Variants in PTPRQ observed in about 807,000 individuals in gnomAD.
The protein encoded by PTPRQ is phosphatidylinositol phosphatase PTPRQ.
Under a neutral mutation model 246.0 loss-of-function variants are expected in PTPRQ, and 199 were observed. The observed-to-expected ratio is 0.81, with a 90% CI of 0.72 to 0.91. The LOEUF (loss-of-function observed/expected upper bound fraction) is 0.91. PTPRQ is among the 40% of genes least tolerant of loss of function. The probability of loss-of-function intolerance (pLI) is 0.00; values close to 1 mark genes in which losing one functional copy is unlikely to be tolerated. For missense variants in PTPRQ, 2,624 were observed against 2,528.4 expected, an observed-to-expected ratio of 1.04 and a Z score of -0.81; for synonymous variants, 869 against 853.2, an observed-to-expected ratio of 1.02 and a Z score of -0.32.
chr12:80,500,513 G>T (rs1345776891), intron 14 of PTPRQ, among the ~76,000 whole-genome samples: 3 of 151,946 alleles, frequency 2.0e-5, no homozygotes, highest in Non-Finnish European at 4.4e-5. Context: ...ACTGCAGAGA[G>T]AAAACTTCAA....
intron 25 of PTPRQ, among the ~76,000 whole-genome samples, chr12:80,576,687 A>G (rs954735183): frequency 2.9e-4 from 44 of 151,816 alleles, no homozygotes; most frequent in African/African-American, 9.7e-4. Flanking sequence ...CTGTACATTA[A>G]CTATTGATAT....
At chr12:80,593,452 T>C (rs1331812437) in intron 26 of PTPRQ, among the ~76,000 whole-genome samples, 1 of 152,176 alleles carries the variant, frequency 6.6e-6, no homozygotes, top group Non-Finnish European at 1.5e-5. Context: ...CCTGTGAATC[T>C]GAGTGTACAC....
chr12:80,649,402 A>G (rs895926566), intron 36 of PTPRQ, among the ~76,000 whole-genome samples, 186 bp from the exon 37 acceptor site: 3 of 152,196 alleles, frequency 2.0e-5, no homozygotes, highest in Non-Finnish European at 4.4e-5. Flanking sequence ...GAATACAAAG[A>G]AAGTGAGCTT....
At chr12:80,637,520 G>T (rs746985399) in intron 35 of PTPRQ, among the ~76,000 whole-genome samples, 2 of 152,044 alleles carry the variant, frequency 1.3e-5, no homozygotes, top group Non-Finnish European at 2.9e-5. Context: ...TCACTTGTTT[G>T]TTGTGATTCT....
chr12:80,542,675 T>C (rs1425388989), intron 22 of PTPRQ, 55 bp from the exon 23 acceptor site: 14 of 1,501,078 alleles, frequency 9.3e-6, no homozygotes, highest in South Asian at 1.4e-5. Flanking sequence ...GTCACGGTGC[T>C]ATTTTTATGT....
chr12:80,631,348 G>C (rs529907994), intron 33 of PTPRQ, among the ~76,000 whole-genome samples: 1 of 151,750 alleles, frequency 6.6e-6, no homozygotes, highest in Admixed American at 6.6e-5. Context: ...TGTGGCCTCC[G>C]AATTGAAGAT....
At chr12:80,633,473 A>G (rs1333959367) in intron 34 of PTPRQ, among the ~76,000 whole-genome samples, 1 of 152,202 alleles carries the variant, frequency 6.6e-6, no homozygotes, top group South Asian at 2.1e-4. Context: ...TCTGACCTCA[A>G]AATCTAGCTT....
intron 3 of PTPRQ, among the ~76,000 whole-genome samples, chr12:80,449,149 G>GT (rs1051473488): frequency 2.6e-5 from 4 of 151,174 alleles, no homozygotes; most frequent in African/African-American, 9.7e-5. Flanking sequence ...TTTTTCATGT[G>GT]TTTTTTGGCT....
chr12:80,542,032 C>G, intron 21 of PTPRQ, 57 bp from the exon 22 acceptor site: 1 of 1,509,276 alleles, frequency 6.6e-7, no homozygotes, highest in South Asian at 1.3e-5. Flanking sequence ...ATTGAATCCT[C>G]TTTTTTTAAT....
chr12:80,632,257 A>G lies in PTPRQ; in HGVS notation c.5752A>G (p.Ile1918Val). ...LSVTLCILSI[I>V]LLGTAIFAFA... is the part of the protein sequence containing the mutation. Reference sequence around the variant, plus strand: ...CGTCACTTTGTGTATCCTTTCAATAATTCTCCTTGGAACAGCTATTTTTGC... The same window carrying G: ...CGTCACTTTGTGTATCCTTTCAATAGTTCTCCTTGGAACAGCTATTTTTGC... Residue 1918 changes from isoleucine (I) to valine (V), a missense_variant, in exon 34 of 45, where the codon ATT becomes GTT. Physicochemically the swap from Ile to Val is conservative, Grantham distance 29 (BLOSUM62 3). Coordinates refer to ENST00000644991, the MANE Select transcript of PTPRQ (RefSeq NM_001145026.2). 1 of 1,551,374 alleles carries G rather than the reference A, an allele frequency of 6.4e-7. No homozygotes were observed. The highest frequency in any genetic ancestry group is 8.7e-7 in the Non-Finnish European group (1 of 1,146,854).
At chr12:80,525,188 G>A (rs1388306420) in intron 17 of PTPRQ, among the ~76,000 whole-genome samples, 2 of 152,144 alleles carry the variant, frequency 1.3e-5, no homozygotes, top group African/African-American at 4.8e-5. Flanking sequence ...GAGAAGTGAT[G>A]AAGATGGTGG....
intron 7 of PTPRQ, among the ~76,000 whole-genome samples, 191 bp downstream of exon 7, chr12:80,469,029 T>C (rs1185522754): frequency 1.3e-5 from 2 of 152,188 alleles, no homozygotes; most frequent in Non-Finnish European, 2.9e-5. Context: ...AGTATAAGAA[T>C]GACAAAACTA....
intron 6 of PTPRQ, among the ~76,000 whole-genome samples, chr12:80,467,124 T>C (rs1893450735): frequency 6.6e-6 from 1 of 152,194 alleles, no homozygotes; most frequent in African/African-American, 2.4e-5. Context: ...AAAGGGCTAA[T>C]ATCCAGAATC....
chr12:80,486,024 A>C (rs888312998), intron 9 of PTPRQ, among the ~76,000 whole-genome samples: 1 of 152,152 alleles, frequency 6.6e-6, no homozygotes, highest in African/African-American at 2.4e-5. Context: ...TAAGACTGTA[A>C]ACCAGGTTTA....
intron 35 of PTPRQ, among the ~76,000 whole-genome samples, chr12:80,647,428 G>A (rs1429367217): frequency 6.6e-6 from 1 of 152,092 alleles, no homozygotes; most frequent in Non-Finnish European, 1.5e-5. Flanking sequence ...TGAAGAACAA[G>A]GTATCATAGG....
intron 25 of PTPRQ, among the ~76,000 whole-genome samples, chr12:80,570,633 G>A (rs374061925): frequency 2.6e-5 from 4 of 152,096 alleles, no homozygotes; most frequent in African/African-American, 9.7e-5. Flanking sequence ...ATTGCTTTTG[G>A]TGTTTTAGTC....
intron 38 of PTPRQ, among the ~76,000 whole-genome samples, chr12:80,653,889 T>C (rs1900336689): frequency 6.6e-6 from 1 of 152,088 alleles, no homozygotes; most frequent in African/African-American, 2.4e-5. Context: ...AGGATGAAAA[T>C]ACAAATAGCT....
In PTPRQ at chr12:80,649,606, C is replaced by T. The variant is rs1425689347; in HGVS notation, c.5961C>T (p.Ser1987=). The T allele has an allele frequency of 5.8e-6, 9 of 1,549,326 alleles. No homozygotes were observed. The highest frequency in any genetic ancestry group is 7.9e-6 in the Non-Finnish European group (9 of 1,145,650). Residue 1987 remains serine (S), a synonymous_variant, in exon 37 of 45, where the codon TCC becomes TCT. Transcript: ENST00000644991. ...RKSIKPISKK[S]FLQHVEELCT... is the part of the protein sequence containing the mutation. Reference sequence around the variant, plus strand: ...CTTGGAGGCCAATAAGCAAGAAATCCTTCCTGCAACATGTTGAAGAGCTTT... The same window carrying T: ...CTTGGAGGCCAATAAGCAAGAAATCTTTCCTGCAACATGTTGAAGAGCTTT...
intron 19 of PTPRQ, among the ~76,000 whole-genome samples, chr12:80,536,551 C>T (rs1477710743): frequency 6.6e-6 from 1 of 152,112 alleles, no homozygotes; most frequent in African/African-American, 2.4e-5. Flanking sequence ...TTATAAAAGA[C>T]ATGTAGATAT....
Sources: allele counts gnomAD v4.1 joint callset (sites outside exome capture counted in the v4.1 genomes callset), GRCh38; gene constraint gnomAD v4.1.1; transcripts MANE v1.5; gene names NCBI Gene and HGNC (gene_info 2026-07-23, HGNC 2026-07-21).